The following SYNJ1 variants were observed in gnomAD, a reference collection of about 807,000 sequenced individuals.
SYNJ1 encodes polyphosphatidylinositol phosphatase SYNJ1.
Under a neutral mutation model 168.2 loss-of-function variants are expected in SYNJ1, and 78 were observed. That is an observed-to-expected ratio of 0.46 (90% CI 0.39 to 0.56). The LOEUF (loss-of-function observed/expected upper bound fraction) is 0.56, where lower values mean the gene tolerates loss of function less well. Among genes scored for constraint, SYNJ1 ranks in the 20% least tolerant of loss-of-function variants. The probability of loss-of-function intolerance (pLI) is 0.00; values close to 1 mark genes in which losing one functional copy is unlikely to be tolerated. For synonymous variants in SYNJ1, 539 were observed against 548.6 expected, an observed-to-expected ratio of 0.98 and a Z score of 0.24; for missense variants, 1,303 against 1,597.6, an observed-to-expected ratio of 0.82 and a Z score of 3.14.
chr21:32,643,487 T>G, intron 26 of SYNJ1, 30 bp from the exon 27 acceptor site: 1 of 1,606,746 alleles, frequency 6.2e-7, no homozygotes, highest in Middle Eastern at 1.7e-4. Context: ...AAACTATATA[T>G]TGTTCAGGGC....
chr21:32,684,094 T>C lies in SYNJ1; in HGVS notation c.1144A>G (p.Asn382Asp). 1 of 1,613,716 alleles carries C rather than the reference T, an allele frequency of 6.2e-7. No homozygotes were observed. Among genetic ancestry groups the C allele is most frequent in the Non-Finnish European group, 8.5e-7 (1 of 1,179,758 alleles). The part of the protein sequence containing the change: ...QRCQSGTVRT[N>D]CLDCLDRTNS... ...GTTCTATCAAGACAATCCAAGCAGTTTGTTCGAACTGTACCACTCTGGCAT... is the reference window on the plus strand; with the variant it reads ...GTTCTATCAAGACAATCCAAGCAGTCTGTTCGAACTGTACCACTCTGGCAT... Residue 382 changes from asparagine (N) to aspartate (D), a missense_variant, in exon 10 of 33, where the codon AAC (asparagine) becomes GAC (aspartate). By Grantham distance (23) the Asn-to-Asp change is conservative. This residue lies in a region of SYNJ1 where 920 missense variants were observed against 1,208.8 expected (regional missense o/e 0.76). Coordinates refer to ENST00000674351, the MANE Select transcript of SYNJ1 (RefSeq NM_203446.3).
chr21:32,724,015 T>C (rs1338071518), intron 2 of SYNJ1, among the ~76,000 whole-genome samples: 1 of 151,852 alleles, frequency 6.6e-6, no homozygotes, highest in Non-Finnish European at 1.5e-5. Context: ...CTAGCTGTCT[T>C]GGAGGAAGAA....
chr21:32,660,064 C>T (rs534123180), intron 18 of SYNJ1, among the ~76,000 whole-genome samples: 2 of 152,344 alleles, frequency 1.3e-5, no homozygotes, highest in South Asian at 2.1e-4. Flanking sequence ...AGCCCTAGGA[C>T]TACCAGATTT....
intron 22 of SYNJ1, among the ~76,000 whole-genome samples, chr21:32,651,694 T>C (rs2040275384): frequency 6.6e-6 from 1 of 151,970 alleles, no homozygotes; most frequent in Non-Finnish European, 1.5e-5. Context: ...CAGGGCCAAA[T>C]GAAAAGGAAG....
At chr21:32,670,039 T>G (rs1020362803) in intron 15 of SYNJ1, among the ~76,000 whole-genome samples, 2 of 152,172 alleles carry the variant, frequency 1.3e-5, no homozygotes, top group Non-Finnish European at 2.9e-5. Context: ...GTTTTTAAAT[T>G]TTCATTTTTA....
chr21:32,681,907 T>C (rs1365689233), intron 10 of SYNJ1, among the ~76,000 whole-genome samples: 5 of 152,066 alleles, frequency 3.3e-5, no homozygotes, highest in Admixed American at 6.6e-5. Context: ...TATTAAAGTA[T>C]CCCTATAAAT....
chr21:32,645,140 A>C (rs1398700226), intron 25 of SYNJ1, 134 bp from the exon 26 acceptor site: 7 of 793,322 alleles, frequency 8.8e-6, no homozygotes, highest in Non-Finnish European at 1.3e-5. Flanking sequence ...TACTACAAAA[A>C]CTATTATTCA....
intron 12 of SYNJ1, 50 bp downstream of exon 12, chr21:32,678,595 C>T: frequency 6.6e-7 from 1 of 1,507,630 alleles, no homozygotes; most frequent in Non-Finnish European, 8.8e-7. Flanking sequence ...ACATTTACCT[C>T]TTGGACCTTT....
At chr21:32,692,851 A>T (rs543127001) in intron 6 of SYNJ1, among the ~76,000 whole-genome samples, 1 of 152,144 alleles carries the variant, frequency 6.6e-6, no homozygotes, top group Non-Finnish European at 1.5e-5. Flanking sequence ...GGAGTTCAAG[A>T]CCATCCTGGG....
Position 32,713,515 on chromosome 21 carries a change from T to C in SYNJ1, c.125-11468A>G, listed in dbSNP as rs1021516865. Among the ~76,000 whole-genome samples, 25 of 139,438 alleles carry C rather than the reference T, an allele frequency of 1.8e-4. 1 individual carries two copies. The highest frequency in any genetic ancestry group is 4.2e-3 in the Middle Eastern group (1 of 238). The allele number at this position is 139,438 out of a possible 152,430, so 91.5% of individuals were successfully genotyped here. ...ATGTCAACATGGATGATTTCCCATA[T>C]ATCAACATGGATGATTTCCCATATA... On this transcript the variant is annotated intron_variant, in intron 2 of 32. Coordinates refer to ENST00000674351, the MANE Select transcript of SYNJ1 (RefSeq NM_203446.3).
intron 31 of SYNJ1, 59 bp downstream of exon 31, chr21:32,638,849 G>T (rs149352140): frequency 6.8e-7 from 1 of 1,474,388 alleles, no homozygotes; most frequent in East Asian, 2.3e-5. Context: ...AAATAGGTAT[G>T]TTCAAAGACT....
At chr21:32,662,960 G>C (rs556331383) in intron 18 of SYNJ1, among the ~76,000 whole-genome samples, 3 of 152,156 alleles carry the variant, frequency 2.0e-5, no homozygotes, top group Non-Finnish European at 4.4e-5. Flanking sequence ...ATCTTAGTTC[G>C]AGGAGAAGTT....
intron 13 of SYNJ1, among the ~76,000 whole-genome samples, chr21:32,673,743 A>AG (rs2041295194): frequency 6.6e-6 from 1 of 152,110 alleles, no homozygotes; most frequent in African/African-American, 2.4e-5. Context: ...AAAAAAAAAA[A>AG]AAAGTCAACA....
At chr21:32,725,279 C>T (rs1010933820) in intron 2 of SYNJ1, among the ~76,000 whole-genome samples, 6 of 152,104 alleles carry the variant, frequency 3.9e-5, no homozygotes, top group Non-Finnish European at 5.9e-5. Flanking sequence ...AACAAACATT[C>T]GCCCCACCCA....
intron 12 of SYNJ1, among the ~76,000 whole-genome samples, chr21:32,677,093 A>G (rs964419473): frequency 3.3e-5 from 5 of 152,214 alleles, no homozygotes; most frequent in African/African-American, 7.2e-5. Flanking sequence ...GGAGAAAGGG[A>G]TATCTGAAAT....
Position 32,699,901 on chromosome 21 carries a change from A to G in SYNJ1, c.416T>C (p.Leu139Ser). 1 of 1,614,196 alleles carries G rather than the reference A, an allele frequency of 6.2e-7. No individual in the cohort carries two copies. Among genetic ancestry groups the G allele is most frequent in the Non-Finnish European group, 8.5e-7 (1 of 1,180,030 alleles). Residue 139 changes from leucine to serine, a missense_variant, in exon 4 of 33, where the codon TTA (leucine) becomes TCA (serine). Leu to Ser is a moderately radical substitution (Grantham distance 145). Coordinates refer to ENST00000674351, the MANE Select transcript of SYNJ1 (RefSeq NM_203446.3). ...ACGATGCGCATTAAGACTCAAATCT[A>G]AACTGATGCCAGATGCAGACCATGC... ...YFAWSASGIS[L>S]DLSLNAHRSM...
chr21:32,697,732 T>C (rs900208296), intron 4 of SYNJ1, among the ~76,000 whole-genome samples: 39 of 152,136 alleles, frequency 2.6e-4, no homozygotes, highest in African/African-American at 8.0e-4. Flanking sequence ...ACCCAGGAGG[T>C]GAAGGTTGCA....
intron 18 of SYNJ1, among the ~76,000 whole-genome samples, chr21:32,663,066 G>T (rs2040779642): frequency 1.3e-5 from 2 of 152,282 alleles, no homozygotes; most frequent in South Asian, 2.1e-4. Flanking sequence ...ATTTGTTTTT[G>T]CAATTAGCCA....
At chr21:32,641,179 G>A (rs970802024) in intron 29 of SYNJ1, among the ~76,000 whole-genome samples, 1 of 152,180 alleles carries the variant, frequency 6.6e-6, no homozygotes, top group African/African-American at 2.4e-5. Context: ...TACAGTAATA[G>A]CTCTCAGTTT....
Sources: gnomAD v4.1 joint callset for allele counts (sites outside exome capture counted in the v4.1 genomes callset) on GRCh38, gnomAD v4.1.1 for gene constraint, gnomAD v4.1.1 regional missense constraint, MANE v1.5 for transcripts, NCBI Gene and HGNC (gene_info 2026-07-23, HGNC 2026-07-21) for gene names.